IL1RAPL2: variants seen among roughly 807,000 people sequenced by gnomAD.
The protein encoded by IL1RAPL2 is X-linked interleukin-1 receptor accessory protein-like 2.
IL1RAPL2 carries 3 observed loss-of-function variants against 44.1 expected under a neutral mutation model. The ratio of observed to expected loss-of-function variants is 0.07; its 90% CI spans 0.03 to 0.18. The LOEUF is 0.18. Among genes scored for constraint, IL1RAPL2 ranks in the 10% least tolerant of loss-of-function variants. The pLI, the probability that IL1RAPL2 is intolerant of heterozygous loss-of-function variation, is 1.00. For synonymous variants in IL1RAPL2, 181 were observed against 178.8 expected (o/e 1.01, Z -0.10); for missense variants, 391 against 496.4 (o/e 0.79, Z 2.02).
At chrX:104,582,390 A>G (rs1181217217) in intron 1 of IL1RAPL2, among the ~76,000 whole-genome samples, 1 of 112,006 alleles carries the variant, frequency 8.9e-6, no homozygotes, top group Non-Finnish European at 1.9e-5. Flanking sequence ...TGAAAAAAAG[A>G]CTGCTAAAAC....
chrX:105,129,823 C>T (rs1018475125), intron 2 of IL1RAPL2, among the ~76,000 whole-genome samples: 5 of 110,506 alleles, frequency 4.5e-5, no homozygotes, highest in Non-Finnish European at 1.9e-5. Flanking sequence ...GGCAACTCTT[C>T]TGCTTAGAAC....
intron 6 of IL1RAPL2, among the ~76,000 whole-genome samples, chrX:105,502,839 C>T (rs2036405349): frequency 1.8e-5 from 2 of 109,828 alleles, no homozygotes; most frequent in African/African-American, 3.3e-5. Context: ...ACACAAACCA[C>T]TTTGACCAAA....
intron 2 of IL1RAPL2, among the ~76,000 whole-genome samples, chrX:104,787,829 A>T (rs1172835546): frequency 9.0e-6 from 1 of 111,337 alleles, no homozygotes; most frequent in African/African-American, 3.3e-5. Flanking sequence ...CAGAAAAGGG[A>T]TATATATATA....
At chrX:105,109,853 C>T (rs1197659585) in intron 2 of IL1RAPL2, among the ~76,000 whole-genome samples, 2 of 112,203 alleles carry the variant, frequency 1.8e-5, no homozygotes, top group Admixed American at 9.4e-5. Context: ...TTTTAATTTA[C>T]GAGAGAGCAA....
chrX:105,493,474 A>G (rs1164237921), intron 6 of IL1RAPL2, among the ~76,000 whole-genome samples: 1 of 111,808 alleles, frequency 8.9e-6, no homozygotes, highest in African/African-American at 3.2e-5. Context: ...ATGTAGTACT[A>G]TTGTGGTTGA....
rs781384573 is a variant in IL1RAPL2 at position 104,941,252 on chromosome X, G to T, written c.83-254223G>T. On this transcript the variant is annotated intron_variant, in intron 2 of 10. Coordinates refer to ENST00000372582, the MANE Select transcript of IL1RAPL2 (RefSeq NM_017416.2). ...ATGGCTGGGTCAAATGGTATTTCTA[G>T]TTCTAGATCCTTGGGGAATCGCCAC... Among the ~76,000 whole-genome samples, 92 of 111,133 alleles carry T rather than the reference G, an allele frequency of 8.3e-4. No individual in the cohort carries two copies. In the South Asian group the frequency reaches 0.034, roughly 41 times the overall value.
intron 6 of IL1RAPL2, among the ~76,000 whole-genome samples, chrX:105,556,596 A>T (rs1392442278): frequency 9.0e-6 from 1 of 111,689 alleles, no homozygotes; most frequent in Non-Finnish European, 1.9e-5. Flanking sequence ...AGACTCCCTT[A>T]TTACACTGGT....
At chrX:105,443,837 C>G (rs1314995176) in intron 5 of IL1RAPL2, among the ~76,000 whole-genome samples, 4 of 108,374 alleles carry the variant, frequency 3.7e-5, no homozygotes, top group Non-Finnish European at 7.7e-5. Flanking sequence ...TACTGATTTC[C>G]TTTTTGGGGG....
intron 2 of IL1RAPL2, among the ~76,000 whole-genome samples, chrX:105,001,354 A>G (rs1054677553): frequency 9.0e-6 from 1 of 111,416 alleles, no homozygotes; most frequent in African/African-American, 3.3e-5. Flanking sequence ...AGTCTCCAGG[A>G]TTCTGAATAT....
intron 1 of IL1RAPL2, among the ~76,000 whole-genome samples, chrX:104,612,129 A>G (rs1929174999): frequency 8.9e-6 from 1 of 111,918 alleles, no homozygotes; most frequent in African/African-American, 3.2e-5. Context: ...TTCTCCCAAT[A>G]GGTAGGTCGT....
At chrX:105,174,531 G>C (rs781528052) in intron 2 of IL1RAPL2, among the ~76,000 whole-genome samples, 1 of 111,687 alleles carries the variant, frequency 9.0e-6, no homozygotes, top group East Asian at 2.8e-4. Context: ...CACTTACTGA[G>C]TACAAGGAAG....
intron 2 of IL1RAPL2, among the ~76,000 whole-genome samples, chrX:104,820,930 T>C (rs143555649): frequency 0.055 from 6,119 of 112,256 alleles, 435 homozygotes; most frequent in African/African-American, 0.19. Flanking sequence ...AGCCTGTTTC[T>C]TTTTATAAGC....
At chrX:104,615,642 GT>G (rs1409281422) in intron 1 of IL1RAPL2, among the ~76,000 whole-genome samples, 3 of 111,434 alleles carry the variant, frequency 2.7e-5, no homozygotes, top group Non-Finnish European at 5.6e-5. Flanking sequence ...GTGCATTTAG[GT>G]TGATTCCATG....
chrX:105,720,883 G>A (rs1241760603), intron 7 of IL1RAPL2, among the ~76,000 whole-genome samples: 2 of 108,712 alleles, frequency 1.8e-5, no homozygotes, highest in South Asian at 8.1e-4. Context: ...CCCATACCCC[G>A]TTTCCCCAAT....
intron 2 of IL1RAPL2, among the ~76,000 whole-genome samples, chrX:105,162,569 A>T (rs369148637): frequency 1.8e-5 from 2 of 112,221 alleles, no homozygotes; most frequent in East Asian, 5.6e-4. Context: ...ATTATTATAT[A>T]TTTTTAAAAT....
At chrX:105,162,060 A>G (rs978439981) in intron 2 of IL1RAPL2, among the ~76,000 whole-genome samples, 1 of 112,229 alleles carries the variant, frequency 8.9e-6, no homozygotes, top group Non-Finnish European at 1.9e-5. Flanking sequence ...GTTAGATGAC[A>G]CTGTAATTCC....
intron 2 of IL1RAPL2, among the ~76,000 whole-genome samples, chrX:105,019,176 A>T (rs1003011494): frequency 7.1e-5 from 8 of 112,093 alleles, no homozygotes; most frequent in African/African-American, 2.6e-4. Context: ...TAAGTACAGA[A>T]TTGAGTAGCC....
At chrX:104,718,230 A>G (rs1462298973) in intron 2 of IL1RAPL2, among the ~76,000 whole-genome samples, 1 of 111,087 alleles carries the variant, frequency 9.0e-6, no homozygotes, top group African/African-American at 3.3e-5. Flanking sequence ...AACAGTGTAA[A>G]AGTGTTCCTA....
intron 2 of IL1RAPL2, among the ~76,000 whole-genome samples, chrX:104,695,100 T>A (rs1367523641): frequency 8.9e-6 from 1 of 111,969 alleles, no homozygotes; most frequent in Non-Finnish European, 1.9e-5. Context: ...ATAAATACAT[T>A]AGGTGGTAAT....
Sources: gnomAD v4.1 joint callset for allele counts (sites outside exome capture counted in the v4.1 genomes callset) on GRCh38, gnomAD v4.1.1 for gene constraint, MANE v1.5 for transcripts, NCBI Gene and HGNC (gene_info 2026-07-23, HGNC 2026-07-21) for gene names.